Variants in PLXND1 observed in about 807,000 individuals in gnomAD.
PLXND1 encodes the protein plexin-D1.
PLXND1 carries 54 observed loss-of-function variants against 197.7 expected under a neutral mutation model. The ratio of observed to expected loss-of-function variants is 0.27; its 90% CI spans 0.22 to 0.34. The LOEUF (loss-of-function observed/expected upper bound fraction) is 0.34, where lower values mean the gene tolerates loss of function less well. Among genes scored for constraint, PLXND1 ranks in the 10% least tolerant of loss-of-function variants. PLXND1 has a pLI of 1.00. For synonymous variants in PLXND1, 1,180 were observed against 1,161.2 expected, an observed-to-expected ratio of 1.02 and a Z score of -0.33; for missense variants, 2,127 against 2,699.2, an observed-to-expected ratio of 0.79 and a Z score of 4.70.
At chr3:129,580,299 G>A (rs1444231407) in intron 8 of PLXND1, among the ~76,000 whole-genome samples, 1 of 152,082 alleles carries the variant, frequency 6.6e-6, no homozygotes, top group East Asian at 1.9e-4. Context: ...CAGAATACAC[G>A]AGCCACTGAC....
rs2085790994 is a variant in PLXND1, at chr3:129,606,179, C to T, written c.461G>A (p.Gly154Asp). 3 of 1,547,140 alleles carry T rather than the reference C, an allele frequency of 1.9e-6. No individual in the cohort carries two copies. The highest frequency in any genetic ancestry group is 2.8e-5 in the African/African-American group (2 of 71,830). Residue 154 changes from glycine (G) to aspartate (D), a missense_variant, in exon 1 of 36, where the codon GGC becomes GAC. Transcript: ENST00000324093. ...GCGCACGGCCACGGCCGAGATGTTG[C>T]CCCGGCGCCGCAGCTGGCAGAAGCC... The part of the protein sequence containing the change: ...YQGFCQLRRR[G>D]NISAVAVRFP...
intron 1 of PLXND1, among the ~76,000 whole-genome samples, chr3:129,594,513 C>T (rs371176291): frequency 2.0e-4 from 30 of 152,238 alleles, no homozygotes; most frequent in African/African-American, 6.0e-4. Flanking sequence ...GCAAGGTGAC[C>T]GCAGCTCACT....
At chr3:129,568,387 C>G (rs1201803654) in intron 20 of PLXND1, among the ~76,000 whole-genome samples, 1 of 152,026 alleles carries the variant, frequency 6.6e-6, no homozygotes, top group Non-Finnish European at 1.5e-5. Context: ...CAAAAATACA[C>G]AGGGTATTAA....
chr3:129,557,919 C>T lies in PLXND1; in HGVS notation c.5445+509G>A, dbSNP rs2084998024. Among the ~76,000 whole-genome samples the T allele has an allele frequency of 6.6e-6, 1 of 152,232 alleles. No homozygotes were observed. The highest frequency in any genetic ancestry group is 2.4e-5 in the African/African-American group (1 of 41,446). On this transcript the variant is annotated intron_variant, in intron 33 of 35. Coordinates refer to ENST00000324093, the MANE Select transcript of PLXND1 (RefSeq NM_015103.3). The surrounding 1 kb of genome is among the most constrained non-coding windows in gnomAD (Gnocchi z 4.8). Reference sequence around the variant, plus strand: ...CGTTCTCTCTGCCTGGAAGGCCATCCTCTTTCATCTTCAACCTCTAAAGCC... The same window carrying T: ...CGTTCTCTCTGCCTGGAAGGCCATCTTCTTTCATCTTCAACCTCTAAAGCC...
In PLXND1 at chr3:129,569,882, T is replaced by C. The variant is rs377240834; in HGVS notation, c.3826A>G (p.Ile1276Val). 23 of 1,612,976 alleles carry C rather than the reference T, an allele frequency of 1.4e-5. No individual in the cohort carries two copies. The African/African-American group carries it at 2.0e-4, about 14-fold the overall frequency. ...AGCAGCAGGACGCTGCAGATGACGA[T>C]GGACACGATGATGGCCGTCTCGCTG... Reference protein sequence around the residue: ...GGSETAIIVSIVICSVLLLLS... With the variant: ...GGSETAIIVSVVICSVLLLLS... The change falls in exon 20 of 36, where the codon ATC (isoleucine) becomes GTC (valine). Residue 1276 changes from isoleucine (I) to valine (V), a missense_variant. This residue lies in a region of PLXND1 where 532 missense variants were observed against 811.0 expected (regional missense o/e 0.66). Coordinates refer to ENST00000324093, the MANE Select transcript of PLXND1 (RefSeq NM_015103.3).
chr3:129,555,772 T>C lies in PLXND1; in HGVS notation c.*540A>G. On this transcript the variant is annotated 3_prime_UTR_variant, in exon 36 of 36. Coordinates refer to ENST00000324093, the MANE Select transcript of PLXND1 (RefSeq NM_015103.3). Reference sequence around the variant, plus strand: ...CCAACAGCCGCCCAAGCAACAAAAATCTGACACTACTTGAAACTGTCTGTG... The same window carrying C: ...CCAACAGCCGCCCAAGCAACAAAAACCTGACACTACTTGAAACTGTCTGTG... 1 of 473,870 alleles carries C rather than the reference T, an allele frequency of 2.1e-6. No homozygotes were observed. The highest frequency in any genetic ancestry group is 3.7e-6 in the Non-Finnish European group (1 of 271,310). The allele number at this position is 473,870 out of a possible 1,614,324, so 29.4% of individuals were successfully genotyped here.
rs1578316994 is a variant in PLXND1, at chr3:129,567,874, A to T, written c.3866-69T>A. 6 of 853,494 alleles carry T rather than the reference A, an allele frequency of 7.0e-6. No individual in the cohort carries two copies. In the East Asian group the frequency reaches 1.6e-4, roughly 23 times the overall value. 52.9% of individuals were successfully genotyped at this position (853,494 alleles called of 1,614,324 possible). On this transcript the variant is annotated intron_variant, in intron 20 of 35. Coordinates refer to ENST00000324093, the MANE Select transcript of PLXND1 (RefSeq NM_015103.3). ...GAAAGCCTTTATTGGCGCCTGCTGT[A>T]TTCTGGCCTCCGCTCCAGCTCCTCT... is the stretch of plus-strand genomic sequence containing the variant.
chr3:129,593,112 G>A (rs1486349858), intron 1 of PLXND1, among the ~76,000 whole-genome samples: 1 of 152,066 alleles, frequency 6.6e-6, no homozygotes, highest in Admixed American at 6.5e-5. Flanking sequence ...CAAGTCACAG[G>A]GCCATCTTTC....
At chr3:129,565,283 C>G (rs973456221) in intron 25 of PLXND1, 57 bp downstream of exon 25, 1 of 1,485,816 alleles carries the variant, frequency 6.7e-7, no homozygotes, top group African/African-American at 1.4e-5. Context: ...GGGTCACTGC[C>G]GCTGAGTCCC....
chr3:129,559,889 GGAA>G, intron 31 of PLXND1, 106 bp from the exon 32 acceptor site: 1 of 997,678 alleles, frequency 1.0e-6, no homozygotes, highest in Non-Finnish European at 1.4e-6. Context: ...TGCTGAATGA[GGAA>G]GCCACATGGC....
Position 129,589,331 on chromosome 3 carries a change from A to ACCCC in PLXND1, c.1488+19_1488+20insGGGG. ...AGCCTCCCACCCCCACCCCCTCCCCACATCCCCAACCATACCTACCTTGAG... is the reference window on the plus strand; with the variant it reads ...AGCCTCCCACCCCCACCCCCTCCCCACCCCCATCCCCAACCATACCTACCTTGAG... On this transcript the variant is annotated intron_variant, in intron 2 of 35. Coordinates refer to ENST00000324093, the MANE Select transcript of PLXND1 (RefSeq NM_015103.3). 2.0e-6 allele frequency: 1 copy of ACCCC among 489,466 alleles called. No homozygotes were observed. Among genetic ancestry groups the ACCCC allele is most frequent in the South Asian group, 2.3e-5 (1 of 42,718 alleles). The allele number at this position is 489,466 out of a possible 1,614,324, so 30.3% of individuals were successfully genotyped here. A position where few individuals can be genotyped will look rare whatever the true frequency, so the allele number is the denominator to read the frequency against.
chr3:129,590,427 A>G (rs1199507957), intron 1 of PLXND1, among the ~76,000 whole-genome samples: 1 of 152,166 alleles, frequency 6.6e-6, no homozygotes, highest in Non-Finnish European at 1.5e-5. Context: ...CCCTGAGACA[A>G]TAACTGTGCA....
intron 1 of PLXND1, among the ~76,000 whole-genome samples, chr3:129,590,164 C>T (rs1161245235): frequency 6.6e-6 from 1 of 152,182 alleles, no homozygotes; most frequent in Non-Finnish European, 1.5e-5. Context: ...CCCTCATCTG[C>T]CCACATTACA....
chr3:129,591,730 T>C (rs2085545051), intron 1 of PLXND1: 1 of 152,206 alleles, frequency 6.6e-6, no homozygotes, highest in African/African-American at 2.4e-5. Context: ...AAATCATGCC[T>C]ACCTTAAAGC....
intron 17 of PLXND1, 73 bp from the exon 18 acceptor site, chr3:129,571,376 T>TG (rs1196435043): frequency 6.4e-7 from 1 of 1,562,574 alleles, no homozygotes; most frequent in African/African-American, 1.4e-5. Flanking sequence ...CGGTGGGGAG[T>TG]GGGGTTTGAG....
At position 129,573,718 on chromosome 3, in the gene PLXND1, C is replaced by T. The variant is rs2108777956; in HGVS notation, c.2713G>A (p.Gly905Ser). ...AIEPLSGPLD[G>S]GTLLTIRGRN... ...CCTCGGATGGTCAGCAGGGTCCCAC[C>T]GTCCAACGGGCCACTCAGGGGCTCA... is the stretch of plus-strand genomic sequence containing the variant. Residue 905 changes from glycine to serine, a missense_variant, in exon 13 of 36, where the codon GGT becomes AGT. This residue lies in a region of PLXND1 where 1,095 missense variants were observed against 1,259.8 expected (regional missense o/e 0.87). Coordinates refer to ENST00000324093, the MANE Select transcript of PLXND1 (RefSeq NM_015103.3). 3.1e-6 allele frequency: 5 copies of T among 1,613,626 alleles called. No homozygotes were observed. Among genetic ancestry groups the T allele is most frequent in the Non-Finnish European group, 3.4e-6 (4 of 1,179,990 alleles).
rs1578332349 is a variant in PLXND1, at chr3:129,577,683, G to T, written c.2346+646C>A. On this transcript the variant is annotated intron_variant, in intron 9 of 35. Coordinates refer to ENST00000324093, the MANE Select transcript of PLXND1 (RefSeq NM_015103.3). This position sits in a 1 kb window ranked among gnomAD's most constrained non-coding sequence, Gnocchi z 5.0. ...AGGACTCGTCAACGCTTCCCACCCA[G>T]GACGCGCCTCCAGGAGGGGTCCAGA... Among the ~76,000 whole-genome samples, 1 of 152,144 alleles carries T rather than the reference G, an allele frequency of 6.6e-6. No homozygotes were observed. The highest frequency in any genetic ancestry group is 1.5e-5 in the Non-Finnish European group (1 of 68,020).
chr3:129,565,377 G>T lies in PLXND1; in HGVS notation c.4484C>A (p.Thr1495Asn). 3.1e-6 allele frequency: 5 copies of T among 1,614,096 alleles called. No individual in the cohort carries two copies. The highest frequency in any genetic ancestry group is 4.2e-6 in the Non-Finnish European group (5 of 1,180,000). The change falls in exon 25 of 36, where the codon ACC (threonine) becomes AAC (asparagine). Residue 1495 changes from threonine (T) to asparagine (N), a missense_variant. Thr to Asn is a moderately conservative substitution (Grantham distance 65, BLOSUM62 0). This residue lies in a region of PLXND1 where 532 missense variants were observed against 811.0 expected (regional missense o/e 0.66). Coordinates refer to ENST00000324093, the MANE Select transcript of PLXND1 (RefSeq NM_015103.3). ...RTESVVEKMLTNWMSICMYSC... is the reference protein window; with the variant it reads ...RTESVVEKMLNNWMSICMYSC... ...GTACATGCAGATGGACATCCAGTTG[G>T]TGAGCATCTTCTCCACCACAGACTC...
At chr3:129,581,596 T>C (rs1017767413) in intron 8 of PLXND1, among the ~76,000 whole-genome samples, 2 of 152,186 alleles carry the variant, frequency 1.3e-5, no homozygotes, top group African/African-American at 4.8e-5. Flanking sequence ...AGAGTTGGTA[T>C]CTTACGGGCA....
Sources: gnomAD v4.1 joint callset for allele counts (sites outside exome capture counted in the v4.1 genomes callset) on GRCh38, gnomAD v4.1.1 for gene constraint, gnomAD v4.1.1 regional missense constraint, Gnocchi (gnomAD v3.1) non-coding constraint, MANE v1.5 for transcripts, NCBI Gene and HGNC (gene_info 2026-07-23, HGNC 2026-07-21) for gene names.